The following REPS1 variants were observed in gnomAD, a reference collection of about 807,000 sequenced individuals.
The protein encoded by REPS1 is RALBP1 associated Eps domain containing 1.
REPS1 carries 39 observed loss-of-function variants against 100.9 expected under a neutral mutation model. The ratio of observed to expected loss-of-function variants is 0.39; its 90% confidence interval spans 0.30 to 0.50. The LOEUF (loss-of-function observed/expected upper bound fraction) is 0.50, where lower values mean the gene tolerates loss of function less well. Ranked by LOEUF, REPS1 falls within the 20% of genes least tolerant of loss-of-function variation. The probability of loss-of-function intolerance (pLI) is 0.86; values close to 1 mark genes in which losing one functional copy is unlikely to be tolerated. For synonymous variants in REPS1, 324 were observed against 340.3 expected (o/e 0.95, Z 0.53); for missense variants, 821 against 968.5 (o/e 0.85, Z 2.02).
Position 138,987,793 on chromosome 6 carries a change from G to T in REPS1, c.-111C>A. On this transcript the variant is annotated 5_prime_UTR_variant, in exon 1 of 20. Transcript: ENST00000450536. ...TGGCCCGGCCTCCTGCTAGCTTCCC[G>T]AAAACGCCGGCCCCGGCCTCACACG... The T allele has an allele frequency of 7.7e-7, 1 of 1,290,524 alleles. No homozygotes were observed. The highest frequency in any genetic ancestry group is 1.0e-6 in the Non-Finnish European group (1 of 996,668). 79.9% of individuals were successfully genotyped at this position (1,290,524 alleles called of 1,614,324 possible).
At chr6:138,979,193 A>AAC (rs1784782883) in intron 1 of REPS1, among the ~76,000 whole-genome samples, 1 of 140,060 alleles carries the variant, frequency 7.1e-6, no homozygotes. Flanking sequence ...AAAAAAAAAA[A>AAC]AAAACAAAAA....
chr6:138,947,596 C>T (rs1369184092), intron 2 of REPS1, among the ~76,000 whole-genome samples, 194 bp downstream of exon 2: 1 of 152,004 alleles, frequency 6.6e-6, no homozygotes, highest in Non-Finnish European at 1.5e-5. Flanking sequence ...TATACTATGC[C>T]GTAATACAGG....
At chr6:138,950,538 T>A (rs192142111) in intron 1 of REPS1, among the ~76,000 whole-genome samples, 1 of 152,172 alleles carries the variant, frequency 6.6e-6, no homozygotes, top group Non-Finnish European at 1.5e-5. Flanking sequence ...CTTTTCTCCA[T>A]TAACTTGAAA....
At chr6:138,923,819 G>A (rs1780933777) in intron 10 of REPS1, among the ~76,000 whole-genome samples, 1 of 152,178 alleles carries the variant, frequency 6.6e-6, no homozygotes, top group African/African-American at 2.4e-5. Context: ...GACTTTTACT[G>A]AGCAAATGGC....
chr6:138,921,948 G>A (rs573020456), intron 10 of REPS1, among the ~76,000 whole-genome samples: 4 of 146,116 alleles, frequency 2.7e-5, no homozygotes, highest in African/African-American at 1.0e-4. Flanking sequence ...TTTCAGCTTA[G>A]GTGACAGAGC....
chr6:138,949,254 G>A (rs1461040934), intron 1 of REPS1, among the ~76,000 whole-genome samples: 1 of 152,200 alleles, frequency 6.6e-6, no homozygotes, highest in Non-Finnish European at 1.5e-5. Flanking sequence ...AGACACCAGG[G>A]AAATGGTTAG....
In REPS1 at chr6:138,904,857, A is replaced by G. The variant is rs924553305; in HGVS notation, c.*207T>C. ...GTGGGTGTGCCAACAAACACAATCT[A>G]CCCTCCAGAAAACGCCATCCTGACC... On this transcript the variant is annotated 3_prime_UTR_variant, in exon 20 of 20. Transcript: ENST00000450536. The G allele has an allele frequency of 6.7e-6, 3 of 448,962 alleles. No homozygotes were observed. The highest frequency in any genetic ancestry group is 3.7e-5 in the Admixed American group (1 of 26,734). 27.8% of individuals were successfully genotyped at this position (448,962 alleles called of 1,614,324 possible).
In REPS1 at chr6:138,926,427, C is replaced by A; in HGVS notation, c.1312G>T (p.Asp438Tyr). The change falls in exon 10 of 20, where the codon GAT becomes TAT. Residue 438 changes from aspartate to tyrosine, a missense_variant. Asp to Tyr is a radical substitution (Grantham distance 160, BLOSUM62 -3). Coordinates refer to ENST00000450536, the MANE Select transcript of REPS1 (RefSeq NM_001286611.2). Reference sequence around the variant, plus strand: ...GGATCAGCTGGTGCAATGTTAGAATCAAATTGGGTCAGAGTTTGTGAGCTT... The same window carrying A: ...GGATCAGCTGGTGCAATGTTAGAATAAAATTGGGTCAGAGTTTGTGAGCTT... ...SSSSQTLTQF[D>Y]SNIAPADPDT... The A allele has an allele frequency of 6.2e-7, 1 of 1,613,016 alleles. No homozygotes were observed. The highest frequency in any genetic ancestry group is 1.1e-5 in the South Asian group (1 of 90,746).
At chr6:138,985,121 TTC>T (rs1406987052) in intron 1 of REPS1, among the ~76,000 whole-genome samples, 2 of 152,220 alleles carry the variant, frequency 1.3e-5, no homozygotes, top group Admixed American at 1.3e-4. Flanking sequence ...TAATTTTATA[TTC>T]TGTTATCCCG....
At position 138,921,192 on chromosome 6, in the gene REPS1, A is replaced by C. The variant is rs1780731729; in HGVS notation, c.1339-68T>G. 2.9e-6 allele frequency: 3 copies of C among 1,032,896 alleles called. No individual in the cohort carries two copies. In the African/African-American group the frequency reaches 4.9e-5, roughly 17 times the overall value. The allele number at this position is 1,032,896 out of a possible 1,614,324, so 64.0% of individuals were successfully genotyped here. A position where few individuals can be genotyped will look rare whatever the true frequency, so the allele number is the denominator to read the frequency against. On this transcript the variant is annotated intron_variant, in intron 10 of 19. Transcript: ENST00000450536. ...TCAAGCTAATGCCATGCAATAATCAAAACAAACAAAACTAAAAACCAGTGG... is the reference window on the plus strand; with the variant it reads ...TCAAGCTAATGCCATGCAATAATCACAACAAACAAAACTAAAAACCAGTGG...
chr6:138,947,726 T>A (rs1159219100), intron 2 of REPS1, 64 bp downstream of exon 2: 1 of 1,356,864 alleles, frequency 7.4e-7, no homozygotes, highest in African/African-American at 1.5e-5. Flanking sequence ...AGAGTTCTAT[T>A]GACTTGACTT....
chr6:138,973,597 T>TTTTTTTTTTTTTTTTG (rs1256195870), intron 1 of REPS1, among the ~76,000 whole-genome samples: 1 of 151,558 alleles, frequency 6.6e-6, no homozygotes, highest in Non-Finnish European at 1.5e-5. Context: ...CTTTCACTCT[T>TTTTTTTTTTTTTTTTG]AAGCCCCCAT....
chr6:138,952,431 C>G (rs1264922653), intron 1 of REPS1, among the ~76,000 whole-genome samples: 2 of 151,544 alleles, frequency 1.3e-5, no homozygotes, highest in Admixed American at 1.3e-4. Context: ...CAGAGTCCTG[C>G]TCTGTCACCC....
chr6:138,966,674 C>T (rs1050118583), intron 1 of REPS1, among the ~76,000 whole-genome samples: 4 of 152,062 alleles, frequency 2.6e-5, no homozygotes, highest in African/African-American at 9.7e-5. Flanking sequence ...TAATAAGCTG[C>T]ATTATAACAG....
At chr6:138,982,421 C>G (rs1358405915) in intron 1 of REPS1, among the ~76,000 whole-genome samples, 2 of 152,100 alleles carry the variant, frequency 1.3e-5, no homozygotes, top group Non-Finnish European at 2.9e-5. Context: ...GTACTAGAAC[C>G]CTTTATCAAT....
chr6:138,925,190 T>TACACAC (rs3070143), intron 10 of REPS1, among the ~76,000 whole-genome samples: 2,236 of 148,068 alleles, frequency 0.015, 35 homozygotes, highest in East Asian at 0.05. Context: ...TACTAAAAAA[T>TACACAC]ACACACACAC....
chr6:138,950,590 A>C (rs142093771), intron 1 of REPS1, among the ~76,000 whole-genome samples: 1 of 152,296 alleles, frequency 6.6e-6, no homozygotes, highest in East Asian at 1.9e-4. Flanking sequence ...TGGGCTCCTT[A>C]TGTTACCGTT....
chr6:138,927,122 T>C (rs1254259713), intron 9 of REPS1: 6 of 152,228 alleles, frequency 3.9e-5, no homozygotes, highest in Admixed American at 3.9e-4. Flanking sequence ...AACAGGGCCA[T>C]GCCAGACCAC....
At chr6:138,925,628 T>C (rs543569706) in intron 10 of REPS1, among the ~76,000 whole-genome samples, 50 of 151,682 alleles carry the variant, frequency 3.3e-4, no homozygotes, top group African/African-American at 1.2e-3. Flanking sequence ...TCTTTTCTTT[T>C]TGGAAAGTGC....
Sources: allele counts gnomAD v4.1 joint callset (sites outside exome capture counted in the v4.1 genomes callset), GRCh38; gene constraint gnomAD v4.1.1; transcripts MANE v1.5; gene names NCBI Gene and HGNC (gene_info 2026-07-23, HGNC 2026-07-21).